Variants in UBR3 observed in about 807,000 individuals in gnomAD.
UBR3 encodes ubiquitin protein ligase E3 component n-recognin 3.
In UBR3, 85 loss-of-function variants were observed where a neutral mutation model predicts 243.2. The observed-to-expected ratio is 0.35, with a 90% CI of 0.29 to 0.42. The LOEUF is 0.42. Ranked by LOEUF, UBR3 falls within the 10% of genes least tolerant of loss-of-function variation. The pLI is 1.00. For synonymous variants in UBR3, 748 were observed against 799.8 expected (o/e 0.94, Z 1.09); for missense variants, 1,686 against 2,300.8 (o/e 0.73, Z 5.47).
intron 31 of UBR3, among the ~76,000 whole-genome samples, chr2:170,034,132 C>G (rs973874432): frequency 2.0e-5 from 3 of 151,860 alleles, no homozygotes; most frequent in East Asian, 1.9e-4. Context: ...TCAATATCCA[C>G]CACCAGTGTG....
intron 29 of UBR3, among the ~76,000 whole-genome samples, chr2:170,010,164 A>T (rs927483008): frequency 1.3e-5 from 2 of 152,140 alleles, no homozygotes; most frequent in Non-Finnish European, 2.9e-5. Context: ...AACATTTAGT[A>T]TTTTGTTTCT....
intron 8 of UBR3, among the ~76,000 whole-genome samples, chr2:169,902,843 C>G (rs748097378): frequency 1.1e-4 from 16 of 152,184 alleles, no homozygotes; most frequent in Non-Finnish European, 1.6e-4. Context: ...CTCCTGACTT[C>G]AGGTGATTCG....
At chr2:169,841,553 T>C (rs190504610) in intron 1 of UBR3, among the ~76,000 whole-genome samples, 9,205 of 152,220 alleles carry the variant, frequency 0.06, 286 homozygotes, top group Middle Eastern at 0.068. Context: ...GAGCCGGAAC[T>C]GGGGCTGCGT....
chr2:169,933,047 T>C (rs1206141974), intron 19 of UBR3, 39 bp downstream of exon 19: 2 of 1,415,938 alleles, frequency 1.4e-6, no homozygotes, highest in Non-Finnish European at 1.9e-6. Context: ...AACAGTATTT[T>C]ATATTTATAT....
At chr2:170,044,957 C>G (rs889739001) in intron 32 of UBR3, among the ~76,000 whole-genome samples, 3 of 152,192 alleles carry the variant, frequency 2.0e-5, no homozygotes, top group Non-Finnish European at 4.4e-5. Context: ...TATTATCTCT[C>G]AGGCTAAAAT....
intron 19 of UBR3, among the ~76,000 whole-genome samples, chr2:169,935,015 G>C (rs1295342854): frequency 6.7e-6 from 1 of 149,208 alleles, no homozygotes; most frequent in Admixed American, 6.6e-5. Context: ...AAATACCCCT[G>C]AGTGGGCATT....
chr2:169,864,413 T>C (rs1355919947), intron 1 of UBR3, among the ~76,000 whole-genome samples: 1 of 152,188 alleles, frequency 6.6e-6, no homozygotes, highest in African/African-American at 2.4e-5. Context: ...AAAAAAAATT[T>C]GAACAACTGG....
chr2:170,032,708 C>T (rs752713962), intron 31 of UBR3, among the ~76,000 whole-genome samples: 1 of 149,954 alleles, frequency 6.7e-6, no homozygotes, highest in Non-Finnish European at 1.5e-5. Context: ...GGCAGAAATG[C>T]CACAGACTAA....
At chr2:170,035,614 T>C (rs1009682337) in intron 31 of UBR3, among the ~76,000 whole-genome samples, 1 of 152,004 alleles carries the variant, frequency 6.6e-6, no homozygotes, top group Non-Finnish European at 1.5e-5. Flanking sequence ...CTAATTTTGT[T>C]CTTCTTCGAT....
intron 16 of UBR3, among the ~76,000 whole-genome samples, 153 bp downstream of exon 16, chr2:169,927,124 C>A (rs918063052): frequency 4.6e-5 from 7 of 152,108 alleles, no homozygotes; most frequent in Admixed American, 4.6e-4. Flanking sequence ...TGTAGGTATA[C>A]CTTTTAGAAT....
rs184620044 is a variant in UBR3 at position 169,977,395 on chromosome 2, G to A, written c.3635-9250G>A. Reference sequence around the variant, plus strand: ...TCCCATGATCGGCCATCTGCAAGCCGGGGGATGAGAAAAGCTAGTACCATG... The same window carrying A: ...TCCCATGATCGGCCATCTGCAAGCCAGGGGATGAGAAAAGCTAGTACCATG... On this transcript the variant is annotated intron_variant, in intron 24 of 38. Coordinates refer to ENST00000272793, the MANE Select transcript of UBR3 (RefSeq NM_172070.4). Among the ~76,000 whole-genome samples, 12 of 152,212 alleles carry A rather than the reference G, an allele frequency of 7.9e-5. 1 individual carries two copies. The East Asian group carries it at 1.5e-3, about 20-fold the overall frequency.
intron 36 of UBR3, among the ~76,000 whole-genome samples, chr2:170,075,465 T>C (rs954879022): frequency 1.3e-5 from 2 of 152,196 alleles, no homozygotes; most frequent in African/African-American, 4.8e-5. Context: ...GATGAATGAT[T>C]ATTGTATGTA....
intron 37 of UBR3, 29 bp downstream of exon 37, chr2:170,080,052 A>G: frequency 6.3e-7 from 1 of 1,581,828 alleles, no homozygotes; most frequent in Non-Finnish European, 8.6e-7. Context: ...TACAAAATTT[A>G]TGAAAACACA....
chr2:170,019,237 A>G (rs1484361680), intron 30 of UBR3, among the ~76,000 whole-genome samples: 1 of 152,170 alleles, frequency 6.6e-6, no homozygotes. Flanking sequence ...TTTTGATGTA[A>G]TCTATGATCT....
intron 10 of UBR3, among the ~76,000 whole-genome samples, chr2:169,912,991 C>G (rs916691557): frequency 3.9e-5 from 6 of 152,092 alleles, no homozygotes; most frequent in African/African-American, 1.4e-4. Flanking sequence ...TTGCTGTGTC[C>G]CAGCTAGTCT....
intron 19 of UBR3, among the ~76,000 whole-genome samples, chr2:169,938,675 T>C (rs145190457): frequency 1.8e-3 from 275 of 152,368 alleles, no homozygotes; most frequent in African/African-American, 6.3e-3. Flanking sequence ...TTAATTTTCC[T>C]GTTTGTTGCC....
chr2:169,931,760 T>TA (rs897549942), intron 18 of UBR3, among the ~76,000 whole-genome samples: 1 of 152,132 alleles, frequency 6.6e-6, no homozygotes, highest in East Asian at 1.9e-4. Context: ...TGAGTTAACT[T>TA]AAAAAAAACC....
At chr2:170,001,938 A>AAAAAAAAAAAAAG (rs1559175182) in intron 27 of UBR3, among the ~76,000 whole-genome samples, 4 of 130,046 alleles carry the variant, frequency 3.1e-5, no homozygotes, top group African/African-American at 1.3e-4. Context: ...AAAAAAAAAA[A>AAAAAAAAAAAAAG]AAAAGAAAGA....
intron 35 of UBR3, among the ~76,000 whole-genome samples, chr2:170,062,425 TTAAA>T (rs2091474426): frequency 6.6e-6 from 1 of 152,212 alleles, no homozygotes. Context: ...CACCATTACA[TTAAA>T]TAGTTTTGAA....
Sources: allele counts gnomAD v4.1 joint callset (sites outside exome capture counted in the v4.1 genomes callset), GRCh38; gene constraint gnomAD v4.1.1; transcripts MANE v1.5; gene names NCBI Gene and HGNC (gene_info 2026-07-23, HGNC 2026-07-21).